Variants in IGSF21 observed in about 807,000 individuals in gnomAD.
The protein encoded by IGSF21 is immunoglobulin superfamily member 21.
A neutral mutation model predicts 46.8 loss-of-function variants in IGSF21; 28 were observed. The observed-to-expected ratio is 0.60, with a 90% CI of 0.44 to 0.82. The LOEUF (loss-of-function observed/expected upper bound fraction) is 0.82. Ranked by LOEUF, IGSF21 falls within the 40% of genes least tolerant of loss-of-function variation. The pLI is 0.00. For missense variants in IGSF21, 624 were observed against 665.5 expected (o/e 0.94, Z 0.69); for synonymous variants, 284 against 273.6 (o/e 1.04, Z -0.38).
chr1:18,285,333 C>T (rs2085202608), intron 2 of IGSF21, among the ~76,000 whole-genome samples: 1 of 152,096 alleles, frequency 6.6e-6, no homozygotes, highest in Admixed American at 6.6e-5. Context: ...GTCCACCGGC[C>T]ACGCTTTGAT....
chr1:18,282,443 G>A (rs926176810), intron 2 of IGSF21, among the ~76,000 whole-genome samples: 14 of 152,024 alleles, frequency 9.2e-5, no homozygotes, highest in African/African-American at 3.4e-4. Flanking sequence ...CATGAAGCGG[G>A]AGCGGGGTGC....
intron 2 of IGSF21, among the ~76,000 whole-genome samples, chr1:18,272,317 G>A (rs927131686): frequency 2.6e-5 from 4 of 151,872 alleles, no homozygotes; most frequent in African/African-American, 9.7e-5. Flanking sequence ...GATGAGATTG[G>A]GGGTGGGGTG....
At chr1:18,364,301 A>C (rs766403644) in intron 5 of IGSF21, among the ~76,000 whole-genome samples, 10 of 152,060 alleles carry the variant, frequency 6.6e-5, no homozygotes, top group Admixed American at 2.0e-4. Context: ...AAATGGGGGA[A>C]AAAAAACCAA....
chr1:18,332,305 CAT>C (rs1455591269), intron 3 of IGSF21, among the ~76,000 whole-genome samples: 15 of 152,342 alleles, frequency 9.8e-5, no homozygotes, highest in Admixed American at 7.8e-4. Flanking sequence ...GCCAGCTACA[CAT>C]GTCTCCTGAG....
intron 2 of IGSF21, among the ~76,000 whole-genome samples, chr1:18,280,517 G>T (rs998916716): frequency 6.6e-6 from 1 of 152,116 alleles, no homozygotes; most frequent in Non-Finnish European, 1.5e-5. Context: ...CTCAGTTATA[G>T]CATGTGTACT....
Position 18,273,459 on chromosome 1 carries a change from TCTC to T in IGSF21, c.184-18406_184-18404del, listed in dbSNP as rs2085067413. On this transcript the variant is annotated intron_variant, in intron 2 of 9. Transcript: ENST00000251296. Reference sequence around the variant, plus strand: ...CTTTCTTTCTCACTTTCTTTCTTTCTCTCTCTTTCTTTCTTTCTTTCTTTCTTT... The same window carrying T: ...CTTTCTTTCTCACTTTCTTTCTTTCTTCTTTCTTTCTTTCTTTCTTTCTTT... 7.1e-5 allele frequency among the ~76,000 whole-genome samples: 4 copies of T among 56,442 alleles called. No homozygotes were observed. The East Asian group carries it at 1.0e-3, about 14-fold the overall frequency. 37.0% of individuals were successfully genotyped at this position (56,442 alleles called of 152,430 possible).
intron 1 of IGSF21, among the ~76,000 whole-genome samples, chr1:18,193,430 C>T (rs2086977213): frequency 6.6e-6 from 1 of 152,122 alleles, no homozygotes; most frequent in South Asian, 2.1e-4. Flanking sequence ...TAAGCATTAA[C>T]TCACACGATC....
chr1:18,294,552 C>T (rs577439574), intron 3 of IGSF21, among the ~76,000 whole-genome samples: 106 of 152,326 alleles, frequency 7.0e-4, no homozygotes, highest in African/African-American at 2.4e-3. Flanking sequence ...TTGACCAGAC[C>T]CCTTGCTTTT....
intron 4 of IGSF21, among the ~76,000 whole-genome samples, chr1:18,345,466 C>T (rs1175885974): frequency 1.3e-5 from 2 of 152,132 alleles, no homozygotes; most frequent in African/African-American, 4.8e-5. Context: ...CTCAATGCAA[C>T]CTCCGCCTCC....
At chr1:18,222,502 G>A (rs916083509) in intron 1 of IGSF21, among the ~76,000 whole-genome samples, 23 of 152,192 alleles carry the variant, frequency 1.5e-4, no homozygotes, top group African/African-American at 5.3e-4. Context: ...AGGATGTCCT[G>A]TTTGGGTAGA....
intron 1 of IGSF21, among the ~76,000 whole-genome samples, chr1:18,164,167 G>T (rs945250751): frequency 1.3e-5 from 2 of 152,188 alleles, no homozygotes; most frequent in African/African-American, 4.8e-5. Context: ...TGAGGAAACT[G>T]AGGCATAGGC....
chr1:18,257,485 C>T (rs898965806), intron 2 of IGSF21, among the ~76,000 whole-genome samples: 5 of 152,102 alleles, frequency 3.3e-5, no homozygotes, highest in Non-Finnish European at 7.4e-5. Flanking sequence ...GGTACTTTCC[C>T]CATGTGACAG....
chr1:18,164,938 A>G (rs1570286189), intron 1 of IGSF21, among the ~76,000 whole-genome samples: 1 of 126,306 alleles, frequency 7.9e-6, no homozygotes, highest in African/African-American at 3.1e-5. Flanking sequence ...CCTGTGTCCA[A>G]GTGTTCTCAT....
At chr1:18,316,939 T>C (rs901708498) in intron 3 of IGSF21, among the ~76,000 whole-genome samples, 4 of 152,332 alleles carry the variant, frequency 2.6e-5, no homozygotes, top group Middle Eastern at 3.4e-3. Context: ...ATGCTGGGGC[T>C]GCAAGTAGAC....
At chr1:18,153,374 G>T (rs1013582084) in intron 1 of IGSF21, among the ~76,000 whole-genome samples, 1 of 152,202 alleles carries the variant, frequency 6.6e-6, no homozygotes, top group Admixed American at 6.5e-5. Context: ...CGCAGAGGAG[G>T]CCCCAGCCAG....
At chr1:18,352,605 T>C (rs1164619815) in intron 4 of IGSF21, among the ~76,000 whole-genome samples, 1 of 152,216 alleles carries the variant, frequency 6.6e-6, no homozygotes, top group Non-Finnish European at 1.5e-5. Context: ...CACCACCCCT[T>C]TCTTTACAGG....
In IGSF21 at chr1:18,242,912, C is replaced by A. The variant is rs575045889; in HGVS notation, c.183+14902C>A. 9.3e-4 allele frequency among the ~76,000 whole-genome samples: 142 copies of A among 152,326 alleles called. 1 individual carries two copies. Among genetic ancestry groups the A allele is most frequent in the East Asian group, 2.3e-3 (12 of 5,174 alleles). ...GGGGACAGGTGTCATGTGACCCGCA[C>A]CCTTGTCTGGAGCTATTCAAGAGTG... On this transcript the variant is annotated intron_variant, in intron 2 of 9. Coordinates refer to ENST00000251296, the MANE Select transcript of IGSF21 (RefSeq NM_032880.5).
chr1:18,364,212 C>A (rs1569881947), intron 5 of IGSF21, among the ~76,000 whole-genome samples: 1 of 152,038 alleles, frequency 6.6e-6, no homozygotes, highest in East Asian at 1.9e-4. Flanking sequence ...GACATCAGAA[C>A]TTTAAAGTAA....
intron 3 of IGSF21, among the ~76,000 whole-genome samples, chr1:18,323,993 C>T (rs2085631715): frequency 6.6e-6 from 1 of 152,112 alleles, no homozygotes; most frequent in African/African-American, 2.4e-5. Flanking sequence ...GGCCCCCTGT[C>T]CAGCGCTGCC....
Sources: gnomAD v4.1 joint callset for allele counts (sites outside exome capture counted in the v4.1 genomes callset) on GRCh38, gnomAD v4.1.1 for gene constraint, MANE v1.5 for transcripts, NCBI Gene and HGNC (gene_info 2026-07-23, HGNC 2026-07-21) for gene names.